The following RNF157 variants were observed in gnomAD, a reference collection of about 807,000 sequenced individuals.
RNF157 encodes the protein ring finger protein 157.
A neutral mutation model predicts 88.3 loss-of-function variants in RNF157; 55 were observed. The observed-to-expected ratio is 0.62, with a 90% CI of 0.50 to 0.78. RNF157 has a LOEUF of 0.78. Ranked by LOEUF, RNF157 falls within the 30% of genes least tolerant of loss-of-function variation. The pLI is 0.00. For missense variants in RNF157, 788 were observed against 860.8 expected, an observed-to-expected ratio of 0.92 and a Z score of 1.06; for synonymous variants, 334 against 341.2, an observed-to-expected ratio of 0.98 and a Z score of 0.23.
chr17:76,149,517 C>A (rs1034586829), intron 18 of RNF157, among the ~76,000 whole-genome samples: 1 of 152,054 alleles, frequency 6.6e-6, no homozygotes, highest in Non-Finnish European at 1.5e-5. Context: ...AGTGTGAAGA[C>A]GCCTATTTAT....
rs571693281 is a variant in RNF157, at chr17:76,160,125, A to T, written c.1066-552T>A. On this transcript the variant is annotated intron_variant, in intron 11 of 18. Coordinates refer to ENST00000269391, the MANE Select transcript of RNF157 (RefSeq NM_052916.3). The surrounding 1 kb of genome is among the most constrained non-coding windows in gnomAD (Gnocchi z 4.3). The stretch of plus-strand genomic sequence containing the variant: ...GTAAGCCACCATGCCTGGCCAGAAC[A>T]TAAATATTTTCCTTTGTTTCTGAAG... 2.6e-4 allele frequency among the ~76,000 whole-genome samples: 40 copies of T among 152,330 alleles called. No individual in the cohort carries two copies. The South Asian group carries it at 7.7e-3, about 29-fold the overall frequency.
rs1376837353 is a variant in RNF157, at chr17:76,240,154, G to A, written c.87C>T (p.Ser29=). 2.2e-6 allele frequency: 3 copies of A among 1,348,814 alleles called. No individual in the cohort carries two copies. Among genetic ancestry groups the A allele is most frequent in the South Asian group, 4.2e-5 (2 of 47,644 alleles). 83.6% of individuals were successfully genotyped at this position (1,348,814 alleles called of 1,614,324 possible). A position where few individuals can be genotyped will look rare whatever the true frequency, so the allele number is the denominator to read the frequency against. Residue 29 remains serine (S), a splice_region_variant and synonymous_variant, in exon 1 of 19, where the codon TCC becomes TCT. Transcript: ENST00000269391. The surrounding 1 kb of genome is among the most constrained non-coding windows in gnomAD (Gnocchi z 4.4). ...SNSVYRYPPK[S]GSYFASHFIM... is the part of the protein sequence containing the mutation. The stretch of plus-strand genomic sequence containing the variant: ...GCTGCGGCGCCCGCCCGCCCTCACC[G>A]GACTTGGGCGGGTAGCGGTACACGG...
At chr17:76,173,618 A>T in intron 3 of RNF157, 84 bp downstream of exon 3, 2 of 1,035,160 alleles carry the variant, frequency 1.9e-6, no homozygotes, top group Non-Finnish European at 2.9e-6. Flanking sequence ...CTGCTGTATG[A>T]GTTCCTTGGG....
At chr17:76,202,091 G>T (rs902555814) in intron 2 of RNF157, among the ~76,000 whole-genome samples, 5 of 145,178 alleles carry the variant, frequency 3.4e-5, no homozygotes, top group African/African-American at 1.0e-4. Flanking sequence ...CATGCAAAAG[G>T]CAAATAACCC....
intron 2 of RNF157, among the ~76,000 whole-genome samples, chr17:76,179,417 C>T (rs957435500): frequency 6.6e-6 from 1 of 151,798 alleles, no homozygotes; most frequent in Non-Finnish European, 1.5e-5. Flanking sequence ...AGAGGCCAAG[C>T]GTGGTGGTTC....
At chr17:76,231,344 G>T (rs1040213792) in intron 1 of RNF157, among the ~76,000 whole-genome samples, 3 of 152,144 alleles carry the variant, frequency 2.0e-5, no homozygotes, top group African/African-American at 7.2e-5. Context: ...ATATTGAGTT[G>T]TAAGAGTTCT....
intron 13 of RNF157, among the ~76,000 whole-genome samples, chr17:76,156,750 C>A (rs895344288): frequency 6.6e-6 from 1 of 152,204 alleles, no homozygotes; most frequent in African/African-American, 2.4e-5. Flanking sequence ...TCCTGCCCAG[C>A]TGCTTTCTGA....
At chr17:76,207,366 T>G (rs551820225) in intron 2 of RNF157, among the ~76,000 whole-genome samples, 1 of 152,080 alleles carries the variant, frequency 6.6e-6, no homozygotes, top group South Asian at 2.1e-4. Flanking sequence ...GAGGCTGCAG[T>G]GAGCAATGAT....
intron 2 of RNF157, among the ~76,000 whole-genome samples, chr17:76,185,452 T>C (rs2069265251): frequency 6.6e-6 from 1 of 151,886 alleles, no homozygotes; most frequent in Non-Finnish European, 1.5e-5. Flanking sequence ...AAATAATGAC[T>C]AGTGGTCAGA....
rs2068593548 is a variant in RNF157, at chr17:76,146,868, G to A, written c.1922-1515C>T. On this transcript the variant is annotated intron_variant, in intron 18 of 18. Transcript: ENST00000269391. The surrounding 1 kb of genome is among the most constrained non-coding windows in gnomAD (Gnocchi z 4.2). Reference sequence around the variant, plus strand: ...TGAGGTTGAGAGAGGCCACTCACAAGTGTCCAGGGTCAGCCTCAGGCCAGC... The same window carrying A: ...TGAGGTTGAGAGAGGCCACTCACAAATGTCCAGGGTCAGCCTCAGGCCAGC... 4.1e-6 allele frequency: 4 copies of A among 985,354 alleles called. No individual in the cohort carries two copies. The highest frequency in any genetic ancestry group is 4.8e-6 in the Non-Finnish European group (4 of 829,948). The allele number at this position is 985,354 out of a possible 1,614,324, so 61.0% of individuals were successfully genotyped here.
intron 1 of RNF157, among the ~76,000 whole-genome samples, chr17:76,239,594 T>C (rs967670858): frequency 8.2e-6 from 1 of 121,560 alleles, no homozygotes; most frequent in African/African-American, 3.0e-5. Context: ...GCACTGCAAA[T>C]GCCTGTTTGG....
At chr17:76,224,663 G>A (rs573161977) in intron 1 of RNF157, among the ~76,000 whole-genome samples, 1 of 151,472 alleles carries the variant, frequency 6.6e-6, no homozygotes, top group South Asian at 2.1e-4. Context: ...GGAAAAAGAA[G>A]AATGGTCTTA....
chr17:76,222,459 C>T (rs143923158), intron 1 of RNF157, among the ~76,000 whole-genome samples: 210 of 152,052 alleles, frequency 1.4e-3, no homozygotes, highest in African/African-American at 4.5e-3. Context: ...ACGTGAACTT[C>T]GCCTCAATTT....
At chr17:76,212,243 A>C in intron 2 of RNF157, 121 bp downstream of exon 2, 1 of 697,910 alleles carries the variant, frequency 1.4e-6, no homozygotes, top group Non-Finnish European at 2.6e-6. Context: ...CTTCTAGTGC[A>C]TCTCTCTCAA....
At chr17:76,178,893 T>C (rs1359856241) in intron 2 of RNF157, among the ~76,000 whole-genome samples, 1 of 152,226 alleles carries the variant, frequency 6.6e-6, no homozygotes, top group African/African-American at 2.4e-5. Flanking sequence ...GTTCTACCTT[T>C]ATCTTTCCCC....
In RNF157 at chr17:76,159,353, A is replaced by T; in HGVS notation, c.1286T>A (p.Leu429His). Residue 429 changes from leucine (L) to histidine (H), a missense_variant, in exon 12 of 19, where the codon CTC becomes CAC. Leu to His is a moderately conservative substitution (Grantham distance 99). Transcript: ENST00000269391. ...LSDSSSQGLK[L>H]KKSLSKSTSQ... ...TACTCACTTGGAGAGACTCTTTTTG[A>T]GTTTGAGTCCCTGACTGCTGCTGTC... The T allele has an allele frequency of 6.2e-7, 1 of 1,612,722 alleles. No individual in the cohort carries two copies. Among genetic ancestry groups the T allele is most frequent in the Non-Finnish European group, 8.5e-7 (1 of 1,179,526 alleles).
intron 1 of RNF157, among the ~76,000 whole-genome samples, chr17:76,217,507 G>C (rs2069909353): frequency 6.6e-6 from 1 of 151,912 alleles, no homozygotes; most frequent in East Asian, 1.9e-4. Flanking sequence ...ACAAATTGGT[G>C]CACAGCTATG....
intron 14 of RNF157, 87 bp downstream of exon 14, chr17:76,156,122 TC>T: frequency 9.7e-7 from 1 of 1,026,320 alleles, no homozygotes; most frequent in Non-Finnish European, 1.5e-6. Context: ...AGCTTGCCAC[TC>T]CCATGTCCCT....
chr17:76,165,420 G>C lies in RNF157; in HGVS notation c.672+82C>G, dbSNP rs1408892902. The stretch of plus-strand genomic sequence containing the variant: ...GCCAGACCCATTCTGCTGAGCTCAG[G>C]CACCCAGCAAACGGGTTACATGTGT... On this transcript the variant is annotated intron_variant, in intron 7 of 18. Transcript: ENST00000269391. 77 of 1,419,954 alleles carry C rather than the reference G, an allele frequency of 5.4e-5. No homozygotes were observed. The East Asian group carries it at 1.8e-3, about 32-fold the overall frequency. The allele number at this position is 1,419,954 out of a possible 1,614,324, so 88.0% of individuals were successfully genotyped here.
Sources: allele counts gnomAD v4.1 joint callset (sites outside exome capture counted in the v4.1 genomes callset), GRCh38; gene constraint gnomAD v4.1.1; non-coding constraint Gnocchi (gnomAD v3.1); transcripts MANE v1.5; gene names NCBI Gene and HGNC (gene_info 2026-07-23, HGNC 2026-07-21).